The following CSMD1 variants were observed in gnomAD, a reference collection of about 807,000 sequenced individuals.
The protein encoded by CSMD1 is CUB and Sushi multiple domains 1.
A neutral mutation model predicts 417.5 loss-of-function variants in CSMD1; 213 were observed. The observed-to-expected ratio is 0.51, with a 90% CI of 0.46 to 0.57. The LOEUF (loss-of-function observed/expected upper bound fraction) is 0.57, where lower values mean the gene tolerates loss of function less well. Among genes scored for constraint, CSMD1 ranks in the 20% least tolerant of loss-of-function variants. CSMD1 has a pLI of 0.00. For missense variants in CSMD1, 6,923 were observed against 4,529.7 expected (o/e 1.53, Z -15.17); for synonymous variants, 2,862 against 1,736.8 (o/e 1.65, Z -16.11).
chr8:4,371,898 A>G (rs1033896709), intron 3 of CSMD1, among the ~76,000 whole-genome samples: 2 of 152,260 alleles, frequency 1.3e-5, no homozygotes, highest in Admixed American at 6.5e-5. Context: ...ATGCAAGTTA[A>G]GAAGGGAAGT....
intron 3 of CSMD1, among the ~76,000 whole-genome samples, chr8:4,346,881 G>A (rs950998596): frequency 6.7e-6 from 1 of 149,266 alleles, no homozygotes; most frequent in Admixed American, 6.6e-5. Flanking sequence ...TGTCATTCTG[G>A]CTGGATTGTA....
intron 1 of CSMD1, among the ~76,000 whole-genome samples, chr8:4,753,480 T>C (rs1054886581): frequency 2.0e-5 from 3 of 151,170 alleles, no homozygotes; most frequent in Admixed American, 2.0e-4. Flanking sequence ...TTATGAATTT[T>C]CCCCTCCATT....
At chr8:4,197,635 T>G (rs954011920) in intron 3 of CSMD1, among the ~76,000 whole-genome samples, 1 of 152,170 alleles carries the variant, frequency 6.6e-6, no homozygotes, top group Non-Finnish European at 1.5e-5. Flanking sequence ...TCCCAGCATT[T>G]TGGGAGGCCG....
intron 20 of CSMD1, among the ~76,000 whole-genome samples, chr8:3,361,495 C>T (rs1444005684): frequency 6.6e-6 from 1 of 150,936 alleles, no homozygotes; most frequent in African/African-American, 2.4e-5. Flanking sequence ...TAAAAAATAA[C>T]AAAAAAATTA....
At chr8:4,333,284 C>T (rs959215300) in intron 3 of CSMD1, among the ~76,000 whole-genome samples, 1 of 152,068 alleles carries the variant, frequency 6.6e-6, no homozygotes, top group Non-Finnish European at 1.5e-5. Context: ...TAAGTCCTCA[C>T]CTGAAAGAAG....
In CSMD1 at chr8:3,428,806, G is replaced by A. The variant is rs560068744; in HGVS notation, c.1562-19201C>T. On this transcript the variant is annotated intron_variant, in intron 12 of 69. Coordinates refer to ENST00000635120, the MANE Select transcript of CSMD1 (RefSeq NM_033225.6). The stretch of plus-strand genomic sequence containing the variant: ...TAGCCAAGATACGGAAAGAACCGAG[G>A]TGTCAATCAATGGATGAATAATGGT... 1.6e-4 allele frequency among the ~76,000 whole-genome samples: 24 copies of A among 152,242 alleles called. No individual in the cohort carries two copies. In the East Asian group the frequency reaches 3.3e-3, roughly 21 times the overall value.
At chr8:4,324,423 C>G (rs1005337774) in intron 3 of CSMD1, among the ~76,000 whole-genome samples, 1 of 152,202 alleles carries the variant, frequency 6.6e-6, no homozygotes, top group African/African-American at 2.4e-5. Context: ...GGCAGGAAAG[C>G]TAGAAGCCTA....
intron 5 of CSMD1, among the ~76,000 whole-genome samples, chr8:3,884,387 A>C (rs148128325): frequency 0.017 from 2,539 of 152,316 alleles, 67 homozygotes; most frequent in African/African-American, 0.057. Flanking sequence ...GTGCTTGCCA[A>C]AAGTGGCATC....
intron 26 of CSMD1, among the ~76,000 whole-genome samples, chr8:3,244,830 TCAG>T (rs1194456311): frequency 3.9e-5 from 6 of 152,190 alleles, no homozygotes; most frequent in Non-Finnish European, 8.8e-5. Context: ...GGATCCGTCT[TCAG>T]CAGGGACACT....
chr8:2,985,657 T>C (rs1355595750), intron 54 of CSMD1, among the ~76,000 whole-genome samples: 1 of 152,332 alleles, frequency 6.6e-6, no homozygotes, highest in African/African-American at 2.4e-5. Flanking sequence ...CAAACAAACA[T>C]TGTCAACTGA....
intron 12 of CSMD1, among the ~76,000 whole-genome samples, chr8:3,460,009 C>CGTAT (rs1186742045): frequency 1.3e-5 from 2 of 152,196 alleles, no homozygotes; most frequent in Non-Finnish European, 2.9e-5. Flanking sequence ...TGCAGCTATA[C>CGTAT]AACCTGCAGC....
intron 2 of CSMD1, among the ~76,000 whole-genome samples, chr8:4,497,292 G>C (rs149260318): frequency 6.6e-6 from 1 of 152,242 alleles, no homozygotes; most frequent in East Asian, 1.9e-4. Flanking sequence ...GCAACCCAAA[G>C]CAAGGAATTT....
rs61745359 is a variant in CSMD1, at chr8:4,801,379, T to G, written c.86-163821A>C. Among the ~76,000 whole-genome samples the G allele has an allele frequency of 3.6e-3, 555 of 152,184 alleles. 9 individuals carry two copies. Among genetic ancestry groups the G allele is most frequent in the African/African-American group, 0.012 (517 of 41,528 alleles). The stretch of plus-strand genomic sequence containing the variant: ...CTGCCAGAACCCAGTACTGAGCAGA[T>G]TCAAAGTGAGAGACACCCTCTCCCC... On this transcript the variant is annotated intron_variant, in intron 1 of 69. Coordinates refer to ENST00000635120, the MANE Select transcript of CSMD1 (RefSeq NM_033225.6).
intron 3 of CSMD1, among the ~76,000 whole-genome samples, chr8:4,128,562 A>G (rs1422329145): frequency 2.0e-5 from 3 of 152,298 alleles, no homozygotes; most frequent in East Asian, 3.9e-4. Context: ...AACACATCTC[A>G]TCTCTTTTAG....
intron 1 of CSMD1, chr8:4,788,159 A>C (rs1260831290): frequency 1.3e-6 from 2 of 1,598,646 alleles, no homozygotes; most frequent in Admixed American, 1.7e-5. Context: ...ACTGTGAAAA[A>C]ATCAAGAAGG....
intron 25 of CSMD1, among the ~76,000 whole-genome samples, chr8:3,285,388 CTTTT>C (rs147849935): frequency 2.7e-5 from 4 of 146,776 alleles, no homozygotes; most frequent in Non-Finnish European, 6.0e-5. Context: ...TTTGTCAGAA[CTTTT>C]TTTTTTTTTC....
intron 3 of CSMD1, among the ~76,000 whole-genome samples, chr8:4,126,740 A>G (rs780609633): frequency 6.6e-6 from 1 of 152,194 alleles, no homozygotes; most frequent in African/African-American, 2.4e-5. Flanking sequence ...TGAAAAGCCA[A>G]CAAAAAAATA....
intron 5 of CSMD1, among the ~76,000 whole-genome samples, chr8:3,911,004 C>G (rs2129139273): frequency 6.6e-6 from 1 of 152,272 alleles, no homozygotes; most frequent in South Asian, 2.1e-4. Context: ...GTGGCCAAGT[C>G]CTACTTATTC....
At chr8:4,161,505 C>G (rs186591646) in intron 3 of CSMD1, among the ~76,000 whole-genome samples, 3 of 152,142 alleles carry the variant, frequency 2.0e-5, no homozygotes, top group East Asian at 1.9e-4. Flanking sequence ...AGAAAAAGGA[C>G]TGAACCCAAG....
Sources: gnomAD v4.1 joint callset for allele counts (sites outside exome capture counted in the v4.1 genomes callset) on GRCh38, gnomAD v4.1.1 for gene constraint, MANE v1.5 for transcripts, NCBI Gene and HGNC (gene_info 2026-07-23, HGNC 2026-07-21) for gene names.